The following NAALADL2 variants were observed in gnomAD, a reference collection of about 807,000 sequenced individuals.
NAALADL2 encodes the protein inactive N-acetylated-alpha-linked acidic dipeptidase-like protein 2.
NAALADL2 carries 76 observed loss-of-function variants against 87.2 expected under a neutral mutation model. The observed-to-expected ratio is 0.87, with a 90% confidence interval of 0.72 to 1.05. The LOEUF (loss-of-function observed/expected upper bound fraction) is 1.05, where lower values mean the gene tolerates loss of function less well. NAALADL2 is among the 50% of genes least tolerant of loss of function. The pLI is 0.00. For synonymous variants in NAALADL2, 354 were observed against 331.0 expected (o/e 1.07, Z -0.75); for missense variants, 1,089 against 945.8 (o/e 1.15, Z -1.99).
intron 10 of NAALADL2, among the ~76,000 whole-genome samples, chr3:175,625,596 T>G (rs1262993200): frequency 1.3e-5 from 2 of 152,004 alleles, no homozygotes; most frequent in African/African-American, 4.8e-5. Context: ...GGGGAAATGA[T>G]CTTTGTTAAC....
intron 9 of NAALADL2, among the ~76,000 whole-genome samples, chr3:175,522,707 CACATTTAGT>C (rs1467073029): frequency 1.3e-5 from 2 of 152,166 alleles, no homozygotes; most frequent in Non-Finnish European, 2.9e-5. Flanking sequence ...CTTCTCAGTA[CACATTTAGT>C]ATACAACCTC....
chr3:174,625,821 G>A (rs1037612411), intron 2 of NAALADL2, among the ~76,000 whole-genome samples: 1 of 151,902 alleles, frequency 6.6e-6, no homozygotes, highest in Non-Finnish European at 1.5e-5. Flanking sequence ...ACATTTAATT[G>A]CAATTGGGGT....
intron 1 of NAALADL2, among the ~76,000 whole-genome samples, chr3:174,971,468 A>G (rs1284641493): frequency 6.6e-6 from 1 of 152,174 alleles, no homozygotes; most frequent in African/African-American, 2.4e-5. Flanking sequence ...TCCTGAAAAC[A>G]CTACCTAAAT....
At chr3:174,928,904 G>A (rs1305034738) in intron 1 of NAALADL2, among the ~76,000 whole-genome samples, 2 of 152,058 alleles carry the variant, frequency 1.3e-5, no homozygotes, top group African/African-American at 2.4e-5. Context: ...CATGTACAGT[G>A]GAAAATGAAA....
intron 10 of NAALADL2, among the ~76,000 whole-genome samples, chr3:175,592,307 C>CTTTTT (rs758914649): frequency 7.9e-4 from 34 of 43,228 alleles, no homozygotes; most frequent in East Asian, 1.3e-3. Context: ...TTTTTCTTTT[C>CTTTTT]TTTTTTTTTT....
chr3:175,534,653 CTT>C (rs113648294), intron 9 of NAALADL2, among the ~76,000 whole-genome samples: 28 of 145,468 alleles, frequency 1.9e-4, no homozygotes, highest in Admixed American at 9.7e-4. Flanking sequence ...ATATTGTCAG[CTT>C]TTTTTTTTTT....
intron 5 of NAALADL2, among the ~76,000 whole-genome samples, chr3:175,423,034 T>A (rs1024225493): frequency 0.1 from 4,073 of 40,482 alleles, 87 homozygotes; most frequent in East Asian, 0.24. Flanking sequence ...AAAAAATATA[T>A]ATATATATAT....
intron 1 of NAALADL2, among the ~76,000 whole-genome samples, chr3:175,049,134 T>C (rs1393438719): frequency 6.6e-6 from 1 of 152,122 alleles, no homozygotes; most frequent in Admixed American, 6.6e-5. Context: ...CAGGATCCAC[T>C]GATTATCTGC....
intron 4 of NAALADL2, among the ~76,000 whole-genome samples, chr3:175,315,262 A>G (rs1230997279): frequency 6.6e-6 from 1 of 152,102 alleles, no homozygotes; most frequent in Non-Finnish European, 1.5e-5. Flanking sequence ...ACCCATGAAA[A>G]CTTGGACAAG....
At chr3:175,390,940 G>T (rs1168956074) in intron 5 of NAALADL2, among the ~76,000 whole-genome samples, 1 of 152,138 alleles carries the variant, frequency 6.6e-6, no homozygotes, top group Non-Finnish European at 1.5e-5. Context: ...ACTGTTCTGA[G>T]TAGGCAACAC....
chr3:174,821,927 G>C (rs919360778), intron 3 of NAALADL2, among the ~76,000 whole-genome samples: 8 of 152,084 alleles, frequency 5.3e-5, no homozygotes, highest in Non-Finnish European at 1.0e-4. Flanking sequence ...AGGAAAAATA[G>C]GTATTTTTAG....
intron 2 of NAALADL2, among the ~76,000 whole-genome samples, chr3:174,628,702 A>G (rs960926275): frequency 2.0e-5 from 3 of 152,114 alleles, no homozygotes; most frequent in African/African-American, 7.2e-5. Context: ...TTATAGCACT[A>G]TTGCATTATT....
At chr3:174,819,497 C>A (rs912598978) in intron 3 of NAALADL2, among the ~76,000 whole-genome samples, 2 of 151,890 alleles carry the variant, frequency 1.3e-5, no homozygotes, top group Non-Finnish European at 2.9e-5. Context: ...TACATGGACT[C>A]GAGGTCTGAC....
chr3:174,867,230 C>T (rs1007254009), intron 1 of NAALADL2, among the ~76,000 whole-genome samples: 6 of 151,926 alleles, frequency 3.9e-5, no homozygotes, highest in Admixed American at 2.6e-4. Context: ...ATTTGACTCT[C>T]ACAGTGTTGG....
chr3:175,009,378 T>C (rs935566907), intron 1 of NAALADL2, among the ~76,000 whole-genome samples: 3 of 152,164 alleles, frequency 2.0e-5, no homozygotes, highest in Admixed American at 2.0e-4. Flanking sequence ...ATTATATATA[T>C]TAAAATGTTA....
In NAALADL2 at chr3:175,767,810, A is replaced by G. The variant is rs948248084; in HGVS notation, c.2189+12392A>G. Reference sequence around the variant, plus strand: ...AGCCGCCTGCAGTTCTCAGGCAGGCAACTTCCAGCAGCTCTCGGAGAAATT... The same window carrying G: ...AGCCGCCTGCAGTTCTCAGGCAGGCGACTTCCAGCAGCTCTCGGAGAAATT... On this transcript the variant is annotated intron_variant, in intron 13 of 13. Coordinates refer to ENST00000454872, the MANE Select transcript of NAALADL2 (RefSeq NM_207015.3). 2.6e-5 allele frequency: 4 copies of G among 152,240 alleles called. No individual in the cohort carries two copies. In the East Asian group the frequency reaches 7.7e-4, roughly 29 times the overall value. 9.4% of individuals were successfully genotyped at this position (152,240 alleles called of 1,614,324 possible). A position where few individuals can be genotyped will look rare whatever the true frequency, so the allele number is the denominator to read the frequency against.
chr3:175,541,124 C>T (rs998983430), intron 9 of NAALADL2, among the ~76,000 whole-genome samples: 6 of 152,206 alleles, frequency 3.9e-5, no homozygotes, highest in African/African-American at 1.4e-4. Flanking sequence ...ACCAATCAGG[C>T]AAGGCCTTGA....
chr3:175,160,763 T>C (rs554063100), intron 2 of NAALADL2, among the ~76,000 whole-genome samples: 1 of 152,308 alleles, frequency 6.6e-6, no homozygotes, highest in African/African-American at 2.4e-5. Context: ...GAATAGTCTC[T>C]AAGAGTTTCA....
chr3:175,480,230 A>C (rs1179280561), intron 9 of NAALADL2, among the ~76,000 whole-genome samples: 2 of 151,784 alleles, frequency 1.3e-5, no homozygotes, highest in Non-Finnish European at 3.0e-5. Context: ...TAAATCTACA[A>C]GCCATATACG....
Sources: gnomAD v4.1 joint callset for allele counts (sites outside exome capture counted in the v4.1 genomes callset) on GRCh38, gnomAD v4.1.1 for gene constraint, MANE v1.5 for transcripts, NCBI Gene and HGNC (gene_info 2026-07-23, HGNC 2026-07-21) for gene names.